Variants in ERC2 observed in about 807,000 individuals in gnomAD.
ERC2 encodes ERC protein 2.
Under a neutral mutation model 114.8 loss-of-function variants are expected in ERC2, and 42 were observed. The ratio of observed to expected loss-of-function variants is 0.37; its 90% confidence interval spans 0.29 to 0.47. The LOEUF (loss-of-function observed/expected upper bound fraction) is 0.47, where lower values mean the gene tolerates loss of function less well. Among genes scored for constraint, ERC2 ranks in the 20% least tolerant of loss-of-function variants. The probability of loss-of-function intolerance (pLI) is 0.99; values close to 1 mark genes in which losing one functional copy is unlikely to be tolerated. For missense variants in ERC2, 939 were observed against 1,150.7 expected (o/e 0.82, Z 2.66); for synonymous variants, 454 against 425.5 (o/e 1.07, Z -0.82).
rs554939508 is a variant in ERC2, at chr3:56,340,782, C to G, written c.658-44347G>C. Among the ~76,000 whole-genome samples the G allele has an allele frequency of 6.6e-5, 10 of 152,192 alleles. No homozygotes were observed. The East Asian group carries it at 1.9e-3, about 29-fold the overall frequency. On this transcript the variant is annotated intron_variant, in intron 2 of 17. Coordinates refer to ENST00000288221, the MANE Select transcript of ERC2 (RefSeq NM_015576.3). ...CAGACATCTTCCTTTATAGCTTATC[C>G]TCAACAATGAGCCAGATTTATAGTT...
intron 14 of ERC2, among the ~76,000 whole-genome samples, chr3:55,855,922 A>T (rs2061765487): frequency 6.6e-6 from 1 of 152,222 alleles, no homozygotes; most frequent in South Asian, 2.1e-4. Context: ...GTAACTGGTG[A>T]ATAATAATAT....
At chr3:56,339,269 T>A (rs949239089) in intron 2 of ERC2, among the ~76,000 whole-genome samples, 2 of 152,220 alleles carry the variant, frequency 1.3e-5, no homozygotes, top group East Asian at 3.9e-4. Context: ...TTAACCAGAC[T>A]AGAGGATGAG....
At chr3:56,443,606 C>T (rs927503041) in intron 1 of ERC2, among the ~76,000 whole-genome samples, 1 of 152,040 alleles carries the variant, frequency 6.6e-6, no homozygotes, top group Non-Finnish European at 1.5e-5. Flanking sequence ...ATGCCCCACC[C>T]AGCTGTGTTT....
intron 7 of ERC2, among the ~76,000 whole-genome samples, chr3:56,050,019 T>C (rs2075688434): frequency 6.6e-6 from 1 of 152,100 alleles, no homozygotes. Flanking sequence ...GCAAAACTAT[T>C]GGGACGAAGG....
At chr3:56,008,141 G>C (rs568451788) in intron 9 of ERC2, among the ~76,000 whole-genome samples, 1 of 152,304 alleles carries the variant, frequency 6.6e-6, no homozygotes, top group Non-Finnish European at 1.5e-5. Context: ...CCCCAAAACA[G>C]ACTCCATGTA....
intron 3 of ERC2, among the ~76,000 whole-genome samples, chr3:56,232,951 C>A (rs1387065189): frequency 6.6e-6 from 1 of 152,212 alleles, no homozygotes; most frequent in Non-Finnish European, 1.5e-5. Context: ...AAAATCACTT[C>A]CTCGAAAAAA....
chr3:56,229,355 C>T (rs1299409395), intron 3 of ERC2, among the ~76,000 whole-genome samples: 1 of 152,188 alleles, frequency 6.6e-6, no homozygotes, highest in Non-Finnish European at 1.5e-5. Context: ...TTAGAGCTAT[C>T]ATTCTTAAAG....
Position 56,413,020 on chromosome 3 carries a change from C to T in ERC2, c.657+21331G>A, listed in dbSNP as rs150305064. Among the ~76,000 whole-genome samples, 317 of 152,318 alleles carry T rather than the reference C, an allele frequency of 2.1e-3. 1 individual carries two copies. The highest frequency in any genetic ancestry group is 7.3e-3 in the African/African-American group (304 of 41,570). ...GGTAATATCTATCACCCTCAACTTA[C>T]ACCTCTTAGCCAGTCCTTACTGGCC... On this transcript the variant is annotated intron_variant, in intron 2 of 17. Coordinates refer to ENST00000288221, the MANE Select transcript of ERC2 (RefSeq NM_015576.3).
At chr3:55,811,023 T>C (rs948086643) in intron 14 of ERC2, among the ~76,000 whole-genome samples, 7 of 152,222 alleles carry the variant, frequency 4.6e-5, no homozygotes, top group African/African-American at 1.7e-4. Context: ...AGGAGTGCTG[T>C]TCAGAGCTGT....
intron 13 of ERC2, among the ~76,000 whole-genome samples, chr3:55,901,893 G>A (rs1367762597): frequency 4.6e-5 from 7 of 152,202 alleles, no homozygotes; most frequent in Admixed American, 1.3e-4. Flanking sequence ...AGCAACATTC[G>A]AATCAGTGAC....
chr3:56,246,147 G>A (rs1462956878), intron 3 of ERC2, among the ~76,000 whole-genome samples: 1 of 146,436 alleles, frequency 6.8e-6, no homozygotes, highest in Non-Finnish European at 1.5e-5. Flanking sequence ...CCCATAATAT[G>A]CCAGGGTGAT....
chr3:55,728,649 C>A (rs1032082351), intron 15 of ERC2, among the ~76,000 whole-genome samples: 1 of 152,134 alleles, frequency 6.6e-6, no homozygotes, highest in African/African-American at 2.4e-5. Flanking sequence ...TATGTTTCTG[C>A]CCACTGAAGT....
At chr3:55,980,894 T>C (rs1355445977) in intron 12 of ERC2, among the ~76,000 whole-genome samples, 1 of 152,224 alleles carries the variant, frequency 6.6e-6, no homozygotes, top group African/African-American at 2.4e-5. Context: ...CACTGAACTA[T>C]AAAACGTTTC....
chr3:55,832,118 G>A (rs1253501607), intron 14 of ERC2, among the ~76,000 whole-genome samples: 1 of 152,256 alleles, frequency 6.6e-6, no homozygotes, highest in East Asian at 1.9e-4. Context: ...CGAACTGGGT[G>A]GAGCCCACCA....
At chr3:56,444,579 T>C (rs926041485) in intron 1 of ERC2, among the ~76,000 whole-genome samples, 8 of 152,194 alleles carry the variant, frequency 5.3e-5, no homozygotes, top group African/African-American at 1.7e-4. Context: ...ACTCACTCTC[T>C]TAAAAGGCTT....
intron 14 of ERC2, among the ~76,000 whole-genome samples, chr3:55,823,838 G>A (rs986462183): frequency 6.6e-6 from 1 of 152,124 alleles, no homozygotes; most frequent in Non-Finnish European, 1.5e-5. Flanking sequence ...ATTCCCAATT[G>A]TATTAGTTTA....
rs1442148404 is a variant in ERC2, at chr3:56,454,658, T to C, written c.-141+13590A>G. On this transcript the variant is annotated intron_variant, in intron 1 of 17. Transcript: ENST00000288221. ...TGAGGCCAGGAGTTCAAGACCAGCA[T>C]GGCCAACATGGCAAAACCCCATCTT... 1.3e-5 allele frequency among the ~76,000 whole-genome samples: 2 copies of C among 152,136 alleles called. 1 individual carries two copies. The highest frequency in any genetic ancestry group is 1.3e-4 in the Admixed American group (2 of 15,274).
intron 2 of ERC2, among the ~76,000 whole-genome samples, chr3:56,368,608 A>G (rs929716457): frequency 6.6e-6 from 1 of 152,188 alleles, no homozygotes; most frequent in Non-Finnish European, 1.5e-5. Flanking sequence ...CACATTGGCT[A>G]TCCTCCTATG....
chr3:55,589,379 AG>A (rs990423841), intron 17 of ERC2, among the ~76,000 whole-genome samples: 52 of 152,228 alleles, frequency 3.4e-4, no homozygotes, highest in African/African-American at 1.1e-3. Context: ...AATTGGAAAA[AG>A]GCACCCTTCT....
Sources: allele counts gnomAD v4.1 joint callset (sites outside exome capture counted in the v4.1 genomes callset), GRCh38; gene constraint gnomAD v4.1.1; transcripts MANE v1.5; gene names NCBI Gene and HGNC (gene_info 2026-07-23, HGNC 2026-07-21).